Variants in RPE65 observed in about 807,000 individuals in gnomAD.
RPE65 encodes the protein retinoid isomerohydrolase.
RPE65 carries 58 observed loss-of-function variants against 68.5 expected under a neutral mutation model. That is an observed-to-expected ratio of 0.85 (90% CI 0.69 to 1.05). The LOEUF (loss-of-function observed/expected upper bound fraction) is 1.05, where lower values mean the gene tolerates loss of function less well. Among genes scored for constraint, RPE65 ranks in the 50% least tolerant of loss-of-function variants. The pLI, the probability that RPE65 is intolerant of heterozygous loss-of-function variation, is 0.00. For missense variants in RPE65, 643 were observed against 629.9 expected (o/e 1.02, Z -0.22); for synonymous variants, 220 against 222.2 (o/e 0.99, Z 0.09).
rs775474532 is a variant in RPE65 at position 68,439,176 on chromosome 1, A to G, written c.858+15T>C. On this transcript the variant is annotated intron_variant, in intron 8 of 13. Transcript: ENST00000262340. Reference sequence around the variant, plus strand: ...CTTCAGAATCACAAACTTGACAAATATATCTAAGACTTACCCCCATGGTTT... The same window carrying G: ...CTTCAGAATCACAAACTTGACAAATGTATCTAAGACTTACCCCCATGGTTT... 8.1e-6 allele frequency: 13 copies of G among 1,614,116 alleles called. No homozygotes were observed. The South Asian group carries it at 9.9e-5, about 12-fold the overall frequency.
intron 5 of RPE65, 91 bp from the exon 6 acceptor site, chr1:68,441,091 A>G: frequency 7.0e-7 from 1 of 1,438,758 alleles, no homozygotes; most frequent in South Asian, 1.2e-5. Flanking sequence ...TACCCCTTGA[A>G]CTCTCATCCT....
Position 68,439,637 on chromosome 1 carries a change from CCTTGTCT to C in RPE65, c.644-2_648del. 1 of 1,613,536 alleles carries C rather than the reference CCTTGTCT, an allele frequency of 6.2e-7. No homozygotes were observed. Among genetic ancestry groups the C allele is most frequent in the Non-Finnish European group, 8.5e-7 (1 of 1,179,658 alleles). On this transcript the variant is annotated splice_acceptor_variant and coding_sequence_variant, in exon 7 of 14. Coordinates refer to ENST00000262340, the MANE Select transcript of RPE65 (RefSeq NM_000329.3). LOFTEE classifies it high-confidence loss of function. ...ATCTCTGACTTGCTTATTGGATCTTCCTTGTCTGAAATAAAGTGGTTTTAAAAGGCTT... is the reference window on the plus strand; with the variant it reads ...ATCTCTGACTTGCTTATTGGATCTTCGAAATAAAGTGGTTTTAAAAGGCTT...
At chr1:68,444,737 T>C (rs1221384070) in intron 4 of RPE65, 39 bp downstream of exon 4, 1 of 1,613,870 alleles carries the variant, frequency 6.2e-7, no homozygotes, top group Non-Finnish European at 8.5e-7. Flanking sequence ...AGGGCTAATA[T>C]AAAATGTCTT....
At chr1:68,432,590 T>C (rs1327436075) in intron 10 of RPE65, among the ~76,000 whole-genome samples, 2 of 152,020 alleles carry the variant, frequency 1.3e-5, no homozygotes, top group Non-Finnish European at 2.9e-5. Context: ...CCAGTGTGGA[T>C]TCTATCAACT....
At chr1:68,448,225 A>T (rs1048159695) in intron 2 of RPE65, among the ~76,000 whole-genome samples, 1 of 152,204 alleles carries the variant, frequency 6.6e-6, no homozygotes, top group African/African-American at 2.4e-5. Context: ...TCCCAGCAGA[A>T]CCAACATTCC....
rs766880580 is a variant in RPE65, at chr1:68,439,599, G to T, written c.687C>A (p.Phe229Leu). The T allele has an allele frequency of 7.4e-6, 12 of 1,613,802 alleles. No individual in the cohort carries two copies. In the Admixed American group the frequency reaches 1.3e-4, roughly 18 times the overall value. Residue 229 changes from phenylalanine to leucine, a missense_variant, in exon 7 of 14, where the codon TTC becomes TTA. Coordinates refer to ENST00000262340, the MANE Select transcript of RPE65 (RefSeq NM_000329.3). ...ATGGCTTGAATCGGTCACTGCAGGG[G>T]AATTGTACAACGATCTCTGACTTGC... ...PISKSEIVVQ[F>L]PCSDRFKPSY...
At position 68,446,872 on chromosome 1, in the gene RPE65, G is replaced by GGGA; in HGVS notation, c.95-15_95-13dup. The GGGA allele has an allele frequency of 6.2e-7, 1 of 1,613,012 alleles. No individual in the cohort carries two copies. Among genetic ancestry groups the GGGA allele is most frequent in the South Asian group, 1.1e-5 (1 of 91,010 alleles). On this transcript the variant is annotated splice_polypyrimidine_tract_variant and intron_variant, in intron 2 of 13. Transcript: ENST00000262340. ...GAGGGGGATCCTGCCTGTGATGAAG[G>GGGA]GGAGACAGAACATTGCTTCTTATCC...
intron 10 of RPE65, among the ~76,000 whole-genome samples, chr1:68,432,081 G>C (rs12124063): frequency 6.9e-6 from 1 of 144,254 alleles, no homozygotes; most frequent in Non-Finnish European, 1.5e-5. Flanking sequence ...AAAAAAAAAC[G>C]CTGGACCATA....
chr1:68,437,957 A>G (rs1645872711), intron 10 of RPE65, among the ~76,000 whole-genome samples: 1 of 152,240 alleles, frequency 6.6e-6, no homozygotes, highest in Non-Finnish European at 1.5e-5. Flanking sequence ...TTAGAATTTA[A>G]AAACCTGGTT....
chr1:68,447,945 G>A (rs1389977866), intron 2 of RPE65, among the ~76,000 whole-genome samples: 2 of 152,152 alleles, frequency 1.3e-5, no homozygotes, highest in Non-Finnish European at 2.9e-5. Flanking sequence ...GTGCTTCCTT[G>A]ATTCCTACCA....
Position 68,444,875 on chromosome 1 carries a change from C to A in RPE65, c.254G>T (p.Arg85Leu), listed in dbSNP as rs61752870. The A allele has an allele frequency of 2.5e-6, 4 of 1,613,918 alleles. No individual in the cohort carries two copies. The highest frequency in any genetic ancestry group is 1.7e-5 in the Admixed American group (1 of 60,008). The change falls in exon 4 of 14, where the codon CGC becomes CTC. Residue 85 changes from arginine (R) to leucine (L), a missense_variant. By Grantham distance (102) the Arg-to-Leu change is moderately radical. Coordinates refer to ENST00000262340, the MANE Select transcript of RPE65 (RefSeq NM_000329.3). Reference sequence around the variant, plus strand: ...CATTGCCCGTACGTAAGCATCAGTGCGGATGAACCTGAAGGACATTGAAAC... The same window carrying A: ...CATTGCCCGTACGTAAGCATCAGTGAGGATGAACCTGAAGGACATTGAAAC... ...GHVTYHRRFIRTDAYVRAMTE... is the reference protein window; with the variant it reads ...GHVTYHRRFILTDAYVRAMTE...
Position 68,444,748 on chromosome 1 carries a change from G to C in RPE65, c.353+28C>G, listed in dbSNP as rs772427491. ...AAAAAGGGCTAATATAAAATGTCTT[G>C]AGTAACATTCAGTTTGGGTTCAGTA... is the stretch of plus-strand genomic sequence containing the variant. On this transcript the variant is annotated intron_variant, in intron 4 of 13. Transcript: ENST00000262340. 1.9e-6 allele frequency: 3 copies of C among 1,613,620 alleles called. No individual in the cohort carries two copies. The African/African-American group carries it at 4.0e-5, about 22-fold the overall frequency.
intron 7 of RPE65, 57 bp from the exon 8 acceptor site, chr1:68,439,380 C>A: frequency 5.0e-6 from 8 of 1,608,770 alleles, no homozygotes; most frequent in African/African-American, 1.3e-5. Flanking sequence ...AAGCCACAGA[C>A]AAATTTGTAT....
In RPE65 at chr1:68,429,666, C is replaced by A; in HGVS notation, c.*110G>T. On this transcript the variant is annotated 3_prime_UTR_variant, in exon 14 of 14. Transcript: ENST00000262340. ...AACATTGCAAAATTGTGCGCATCTG[C>A]AAGTTAAAACCATGACATATAGCAG... is the stretch of plus-strand genomic sequence containing the variant. The A allele has an allele frequency of 7.3e-7, 1 of 1,362,906 alleles. No individual in the cohort carries two copies. The highest frequency in any genetic ancestry group is 1.0e-6 in the Non-Finnish European group (1 of 971,310). The allele number at this position is 1,362,906 out of a possible 1,614,324, so 84.4% of individuals were successfully genotyped here.
chr1:68,433,601 G>T (rs192083751), intron 10 of RPE65, among the ~76,000 whole-genome samples: 2 of 152,124 alleles, frequency 1.3e-5, no homozygotes, highest in Non-Finnish European at 2.9e-5. Context: ...GGTGGTAAAA[G>T]TTTAAAGAGA....
chr1:68,431,526 G>A lies in RPE65; in HGVS notation c.1188C>T (p.Cys396=). ...GCTCCAGCCAGATAGTCTCGTCACTGCACAGAATTGCAGTGGCAGTTGTAT... is the reference window on the plus strand; with the variant it reads ...GCTCCAGCCAGATAGTCTCGTCACTACACAGAATTGCAGTGGCAGTTGTAT... ...LPNTTATAIL[C]SDETIWLEPE... The change falls in exon 11 of 14, where the codon TGC becomes TGT. Residue 396 remains cysteine (C), a synonymous_variant. Coordinates refer to ENST00000262340, the MANE Select transcript of RPE65 (RefSeq NM_000329.3). The A allele has an allele frequency of 2.5e-6, 4 of 1,613,938 alleles. No individual in the cohort carries two copies. The highest frequency in any genetic ancestry group is 3.4e-6 in the Non-Finnish European group (4 of 1,179,898).
Position 68,442,407 on chromosome 1 carries a change from C to T in RPE65, c.496-1407G>A, listed in dbSNP as rs1571168575. Among the ~76,000 whole-genome samples the T allele has an allele frequency of 5.3e-5, 8 of 152,308 alleles. No homozygotes were observed. In the South Asian group the frequency reaches 1.7e-3, roughly 32 times the overall value. ...CATTTAACCTGGCTGCCATGAAGGG[C>T]ATGCGTAGAGGAGGCGAAATAAGAG... On this transcript the variant is annotated intron_variant, in intron 5 of 13. Coordinates refer to ENST00000262340, the MANE Select transcript of RPE65 (RefSeq NM_000329.3).
chr1:68,446,640 C>G (rs1645944816), intron 3 of RPE65, 70 bp downstream of exon 3: 9 of 1,603,156 alleles, frequency 5.6e-6, no homozygotes, highest in African/African-American at 1.3e-5. Flanking sequence ...GAGGTGAAAA[C>G]TCACATGGGA....
At chr1:68,435,756 C>T (rs1427658218) in intron 10 of RPE65, among the ~76,000 whole-genome samples, 1 of 152,228 alleles carries the variant, frequency 6.6e-6, no homozygotes, top group Non-Finnish European at 1.5e-5. Context: ...ATCTCCCCTA[C>T]ATTATCATCT....
Sources: allele counts gnomAD v4.1 joint callset (sites outside exome capture counted in the v4.1 genomes callset), GRCh38; gene constraint gnomAD v4.1.1; transcripts MANE v1.5; gene names NCBI Gene and HGNC (gene_info 2026-07-23, HGNC 2026-07-21).